Variants in ANO4 observed in about 807,000 individuals in gnomAD.
ANO4 encodes anoctamin 4, also known as anoctamin-4.
Under a neutral mutation model 141.9 loss-of-function variants are expected in ANO4, and 69 were observed. That is an observed-to-expected ratio of 0.49 (90% CI 0.40 to 0.59). The LOEUF is 0.59. Ranked by LOEUF, ANO4 falls within the 20% of genes least tolerant of loss-of-function variation. The pLI, the probability that ANO4 is intolerant of heterozygous loss-of-function variation, is 0.00. For synonymous variants in ANO4, 350 were observed against 394.3 expected (o/e 0.89, Z 1.33); for missense variants, 894 against 1,162.2 (o/e 0.77, Z 3.36).
chr12:101,114,258 C>T (rs1416147784), intron 24 of ANO4, among the ~76,000 whole-genome samples: 1 of 152,152 alleles, frequency 6.6e-6, no homozygotes, highest in Non-Finnish European at 1.5e-5. Flanking sequence ...GAATTGATGA[C>T]AACTTTCACT....
chr12:101,084,417 G>T (rs1007494974), intron 16 of ANO4, among the ~76,000 whole-genome samples: 1 of 152,114 alleles, frequency 6.6e-6, no homozygotes, highest in South Asian at 2.1e-4. Context: ...AGCAGTCTTA[G>T]TAATTAACTT....
intron 1 of ANO4, among the ~76,000 whole-genome samples, chr12:100,801,862 G>A (rs2034717231): frequency 6.6e-6 from 1 of 152,140 alleles, no homozygotes; most frequent in South Asian, 2.1e-4. Flanking sequence ...GAAAGTTGGA[G>A]GATAGTTAAT....
At chr12:100,859,823 G>C (rs368929703) in intron 1 of ANO4, among the ~76,000 whole-genome samples, 16 of 152,176 alleles carry the variant, frequency 1.1e-4, no homozygotes, top group African/African-American at 3.4e-4. Context: ...GATTAGTGAA[G>C]AGGACTGAAA....
intron 5 of ANO4, among the ~76,000 whole-genome samples, chr12:100,968,239 A>T (rs1290990096): frequency 6.7e-6 from 1 of 150,184 alleles, no homozygotes; most frequent in African/African-American, 2.5e-5. Context: ...TCAGATAATG[A>T]ACTTAGCTTT....
intron 1 of ANO4, among the ~76,000 whole-genome samples, chr12:100,878,335 T>C (rs1055116083): frequency 6.6e-6 from 1 of 152,216 alleles, no homozygotes; most frequent in Non-Finnish European, 1.5e-5. Context: ...TGAGATAGTA[T>C]ATGCACAATG....
chr12:100,902,456 A>G (rs1045996943), intron 2 of ANO4, among the ~76,000 whole-genome samples: 2 of 152,254 alleles, frequency 1.3e-5, no homozygotes, highest in Non-Finnish European at 2.9e-5. Flanking sequence ...AGTGCCAGCT[A>G]CATGCTAGGC....
At chr12:100,874,315 G>C (rs1210433969) in intron 1 of ANO4, among the ~76,000 whole-genome samples, 1 of 152,178 alleles carries the variant, frequency 6.6e-6, no homozygotes, top group Non-Finnish European at 1.5e-5. Context: ...CAGAATGGTA[G>C]ATCCACTGGC....
chr12:101,068,008 G>A (rs1318082752), intron 14 of ANO4, among the ~76,000 whole-genome samples: 1 of 152,100 alleles, frequency 6.6e-6, no homozygotes, highest in East Asian at 1.9e-4. Flanking sequence ...CTAGTTTTAG[G>A]CCAACATTGA....
intron 22 of ANO4, among the ~76,000 whole-genome samples, chr12:101,103,179 CATTTTATATATATATATAT>C (rs1346478395): frequency 1.1e-4 from 8 of 70,274 alleles, no homozygotes; most frequent in African/African-American, 5.4e-4. Flanking sequence ...CCTTTTTAGT[CATTTTATATATATATATAT>C]ATATATATAT....
At chr12:100,968,122 T>G (rs2043759087) in intron 5 of ANO4, among the ~76,000 whole-genome samples, 1 of 151,672 alleles carries the variant, frequency 6.6e-6, no homozygotes, top group African/African-American at 2.4e-5. Flanking sequence ...TGTTATTATT[T>G]AAATAATAAG....
intron 1 of ANO4, among the ~76,000 whole-genome samples, chr12:100,867,223 C>T (rs563226239): frequency 9.2e-5 from 14 of 152,308 alleles, no homozygotes; most frequent in South Asian, 2.1e-4. Context: ...TCTTGCTTAA[C>T]GGTCTTCATG....
At chr12:100,726,494 T>G (rs573981740) in intron 1 of ANO4, among the ~76,000 whole-genome samples, 2 of 152,268 alleles carry the variant, frequency 1.3e-5, no homozygotes, top group Non-Finnish European at 2.9e-5. Flanking sequence ...GTTTTGCTTA[T>G]GGGCCTTAAA....
At chr12:100,805,190 A>G (rs926798579) in intron 1 of ANO4, among the ~76,000 whole-genome samples, 3 of 152,156 alleles carry the variant, frequency 2.0e-5, no homozygotes, top group African/African-American at 7.2e-5. Context: ...TCCCAGCACC[A>G]TTTATTAAAT....
At chr12:101,057,704 G>A (rs1370831422) in intron 14 of ANO4, among the ~76,000 whole-genome samples, 1 of 151,988 alleles carries the variant, frequency 6.6e-6, no homozygotes, top group East Asian at 1.9e-4. Flanking sequence ...CACTTTTTAT[G>A]GGGTTGTTTG....
chr12:101,096,529 T>C lies in ANO4; in HGVS notation c.1739-7T>C, dbSNP rs769543238. Reference sequence around the variant, plus strand: ...CCTTTCAAACTCTGCTCACCTTTTGTCCACAGAACAGCCTCGCACAGAGTC... The same window carrying C: ...CCTTTCAAACTCTGCTCACCTTTTGCCCACAGAACAGCCTCGCACAGAGTC... On this transcript the variant is annotated splice_polypyrimidine_tract_variant and splice_region_variant and intron_variant, in intron 18 of 27. Transcript: ENST00000392977. The C allele has an allele frequency of 6.2e-7, 1 of 1,610,482 alleles. No homozygotes were observed. Among genetic ancestry groups the C allele is most frequent in the Non-Finnish European group, 8.5e-7 (1 of 1,176,922 alleles).
At chr12:101,013,306 A>G (rs1296827973) in intron 8 of ANO4, among the ~76,000 whole-genome samples, 1 of 152,110 alleles carries the variant, frequency 6.6e-6, no homozygotes, top group African/African-American at 2.4e-5. Flanking sequence ...TCAATACTTT[A>G]TAGTCTCACT....
intron 7 of ANO4, among the ~76,000 whole-genome samples, chr12:100,979,643 C>T (rs2044359970): frequency 6.6e-6 from 1 of 152,092 alleles, no homozygotes; most frequent in African/African-American, 2.4e-5. Flanking sequence ...GAGACTATGA[C>T]CTTGTGACCC....
At chr12:100,946,889 G>A (rs1398028138) in intron 5 of ANO4, among the ~76,000 whole-genome samples, 1 of 152,202 alleles carries the variant, frequency 6.6e-6, no homozygotes, top group Non-Finnish European at 1.5e-5. Context: ...TGTGGTTCAG[G>A]AGAGATGGAG....
At chr12:100,777,092 ATTT>A (rs34753022) in intron 3 of ANO4, among the ~76,000 whole-genome samples, 6 of 128,644 alleles carry the variant, frequency 4.7e-5, no homozygotes, top group Admixed American at 8.0e-5. Flanking sequence ...AGATATCCTG[ATTT>A]TTTTTTTTTT....
Sources: allele counts gnomAD v4.1 joint callset (sites outside exome capture counted in the v4.1 genomes callset), GRCh38; gene constraint gnomAD v4.1.1; transcripts MANE v1.5; gene names NCBI Gene and HGNC (gene_info 2026-07-23, HGNC 2026-07-21).